Variants in DOCK5 observed in about 807,000 individuals in gnomAD.
The protein encoded by DOCK5 is dedicator of cytokinesis 5.
A neutral mutation model predicts 251.8 loss-of-function variants in DOCK5; 142 were observed. The observed-to-expected ratio is 0.56, with a 90% CI of 0.49 to 0.65. DOCK5 has a LOEUF of 0.65. Among genes scored for constraint, DOCK5 ranks in the 30% least tolerant of loss-of-function variants. The probability of loss-of-function intolerance (pLI) is 0.00; values close to 1 mark genes in which losing one functional copy is unlikely to be tolerated. For missense variants in DOCK5, 2,111 were observed against 2,312.3 expected (o/e 0.91, Z 1.79); for synonymous variants, 842 against 835.5 (o/e 1.01, Z -0.13).
rs1339432448 is a variant in DOCK5 at position 25,268,827 on chromosome 8, T to C, written c.128-18T>C. On this transcript the variant is annotated intron_variant, in intron 2 of 51. Coordinates refer to ENST00000276440, the MANE Select transcript of DOCK5 (RefSeq NM_024940.8). ...CCAGAAAACATAAAATATTTTGTGT[T>C]CTCTTTTGCTCTGACAGGTTGGTAC... 2 of 1,567,730 alleles carry C rather than the reference T, an allele frequency of 1.3e-6. No homozygotes were observed. The highest frequency in any genetic ancestry group is 1.7e-6 in the Non-Finnish European group (2 of 1,156,766).
At chr8:25,345,380 C>A (rs1745810577) in intron 25 of DOCK5, 95 bp from the exon 26 acceptor site, 2 of 1,538,578 alleles carry the variant, frequency 1.3e-6, no homozygotes, top group Non-Finnish European at 1.8e-6. Context: ...GAGCTTAGAG[C>A]TACTGGTACT....
In DOCK5 at chr8:25,292,047, C is replaced by T; in HGVS notation, c.345C>T (p.Arg115=). ...AGAACAACAAGCTCACCCTCTTCCG[C>T]CAGCTGCAGCAGATGACGTACAGCC... ...LYVNNKLTLF[R]QLQQMTYSLI... is the part of the protein sequence containing the mutation. Residue 115 remains arginine (R), a synonymous_variant, in exon 6 of 52, where the codon CGC becomes CGT. Transcript: ENST00000276440. 6.2e-7 allele frequency: 1 copy of T among 1,600,298 alleles called. No homozygotes were observed. The highest frequency in any genetic ancestry group is 8.5e-7 in the Non-Finnish European group (1 of 1,173,450).
intron 18 of DOCK5, among the ~76,000 whole-genome samples, 162 bp from the exon 19 acceptor site, chr8:25,332,089 C>G (rs1805695997): frequency 6.6e-6 from 1 of 152,126 alleles, no homozygotes; most frequent in African/African-American, 2.4e-5. Flanking sequence ...ACAAGGTTTT[C>G]TCTGACTTAG....
chr8:25,186,031 C>T (rs944068212), intron 1 of DOCK5, among the ~76,000 whole-genome samples: 1 of 152,112 alleles, frequency 6.6e-6, no homozygotes, highest in African/African-American at 2.4e-5. Context: ...ACTTTACTCC[C>T]TTACTGAGGT....
At chr8:25,256,224 G>A (rs1449414201) in intron 2 of DOCK5, among the ~76,000 whole-genome samples, 2 of 152,132 alleles carry the variant, frequency 1.3e-5, no homozygotes, top group East Asian at 1.9e-4. Flanking sequence ...TTTTCCAATA[G>A]GAATATAGGA....
In DOCK5 at chr8:25,300,534, A is replaced by G. The variant is rs575463908; in HGVS notation, c.765-42A>G. On this transcript the variant is annotated intron_variant, in intron 8 of 51. Coordinates refer to ENST00000276440, the MANE Select transcript of DOCK5 (RefSeq NM_024940.8). The stretch of plus-strand genomic sequence containing the variant: ...TGAGGGTAGCCTCATCTCCAACCCC[A>G]GTTAGCCTCTCATTAAGAGCAATTT... The G allele has an allele frequency of 2.6e-6, 4 of 1,551,040 alleles. No homozygotes were observed. The South Asian group carries it at 3.5e-5, about 13-fold the overall frequency.
intron 27 of DOCK5, among the ~76,000 whole-genome samples, chr8:25,354,405 A>C (rs914044257): frequency 1.3e-5 from 2 of 152,214 alleles, no homozygotes; most frequent in African/African-American, 2.4e-5. Flanking sequence ...TTGAATTCAA[A>C]TTTCCTGAGC....
intron 18 of DOCK5, among the ~76,000 whole-genome samples, chr8:25,326,830 C>G (rs1454206901): frequency 6.6e-6 from 1 of 152,128 alleles, no homozygotes; most frequent in Non-Finnish European, 1.5e-5. Context: ...ACCCAAATGT[C>G]TGATAGTCAG....
intron 1 of DOCK5, among the ~76,000 whole-genome samples, chr8:25,218,621 T>A (rs753564312): frequency 2.0e-5 from 3 of 152,214 alleles, no homozygotes; most frequent in Admixed American, 6.5e-5. Flanking sequence ...AGCTGTATGC[T>A]GGGGGCAATG....
intron 28 of DOCK5, among the ~76,000 whole-genome samples, chr8:25,361,889 C>G (rs1800688455): frequency 6.6e-6 from 1 of 152,290 alleles, no homozygotes; most frequent in Middle Eastern, 3.4e-3. Flanking sequence ...CATACTGTGT[C>G]CAGGCAGAAC....
intron 5 of DOCK5, among the ~76,000 whole-genome samples, chr8:25,289,301 GTTTT>G (rs1436083412): frequency 1.3e-5 from 2 of 149,446 alleles, no homozygotes; most frequent in Admixed American, 6.7e-5. Context: ...TTTTTGGGGG[GTTTT>G]TTGTTTGTTT....
At chr8:25,269,782 C>G (rs1803857396) in intron 3 of DOCK5, among the ~76,000 whole-genome samples, 1 of 152,308 alleles carries the variant, frequency 6.6e-6, no homozygotes, top group South Asian at 2.1e-4. Context: ...AATTAGTTCA[C>G]ATGCCAAATA....
rs561781466 is a variant in DOCK5 at position 25,378,987 on chromosome 8, A to G, written c.3937-1318A>G. On this transcript the variant is annotated intron_variant, in intron 38 of 51. Coordinates refer to ENST00000276440, the MANE Select transcript of DOCK5 (RefSeq NM_024940.8). ...CCAGCAACTTTTTGTTAAGGATTTC[A>G]AAAGGGGAGGGGGTGTACCAACAGG... 1.2e-4 allele frequency among the ~76,000 whole-genome samples: 18 copies of G among 152,314 alleles called. No individual in the cohort carries two copies. In the East Asian group the frequency reaches 3.5e-3, roughly 29 times the overall value.
intron 45 of DOCK5, among the ~76,000 whole-genome samples, chr8:25,396,207 G>A (rs913506351): frequency 2.0e-5 from 3 of 152,096 alleles, no homozygotes; most frequent in East Asian, 1.9e-4. Flanking sequence ...TGGTGAAACC[G>A]CGTCTCTACT....
chr8:25,333,039 C>A (rs1350863738), intron 20 of DOCK5, among the ~76,000 whole-genome samples: 1 of 152,156 alleles, frequency 6.6e-6, no homozygotes. Flanking sequence ...TGTGTTTATG[C>A]AAGGGAGACT....
intron 28 of DOCK5, among the ~76,000 whole-genome samples, chr8:25,359,426 C>G (rs557440793): frequency 6.6e-6 from 1 of 152,156 alleles, no homozygotes; most frequent in African/African-American, 2.4e-5. Context: ...GCAAAGTCTC[C>G]TAAGACGTGG....
chr8:25,362,215 G>A (rs1246131629), intron 28 of DOCK5, among the ~76,000 whole-genome samples: 2 of 152,126 alleles, frequency 1.3e-5, no homozygotes, highest in Non-Finnish European at 2.9e-5. Flanking sequence ...CTTCTTGTGT[G>A]TATCACTGTG....
At chr8:25,366,298 C>T (rs1800773049) in intron 30 of DOCK5, among the ~76,000 whole-genome samples, 1 of 152,122 alleles carries the variant, frequency 6.6e-6, no homozygotes, top group Admixed American at 6.6e-5. Flanking sequence ...TAAGACCAGC[C>T]TGGCCAACAT....
chr8:25,315,330 G>A (rs141695571), intron 13 of DOCK5, among the ~76,000 whole-genome samples: 37 of 151,816 alleles, frequency 2.4e-4, no homozygotes, highest in African/African-American at 8.2e-4. Context: ...TGCAGACGAG[G>A]TCAGGACCTG....
Sources: allele counts gnomAD v4.1 joint callset (sites outside exome capture counted in the v4.1 genomes callset), GRCh38; gene constraint gnomAD v4.1.1; transcripts MANE v1.5; gene names NCBI Gene and HGNC (gene_info 2026-07-23, HGNC 2026-07-21).